Variants in ATP7A observed in about 807,000 individuals in gnomAD.
ATP7A encodes ATPase copper transporting alpha.
ATP7A carries 7 observed loss-of-function variants against 83.5 expected under a neutral mutation model. The ratio of observed to expected loss-of-function variants is 0.08; its 90% CI spans 0.05 to 0.16. The LOEUF (loss-of-function observed/expected upper bound fraction) is 0.16, where lower values mean the gene tolerates loss of function less well. Among genes scored for constraint, ATP7A ranks in the 10% least tolerant of loss-of-function variants. The pLI is 1.00. For synonymous variants in ATP7A, 354 were observed against 395.2 expected (o/e 0.90, Z 1.24); for missense variants, 940 against 1,120.8 (o/e 0.84, Z 2.30).
intron 4 of ATP7A, among the ~76,000 whole-genome samples, chrX:77,991,860 A>G (rs2077671862): frequency 9.2e-6 from 1 of 109,077 alleles, no homozygotes; most frequent in African/African-American, 3.3e-5. Context: ...CGTCCCTACA[A>G]AAAATACAAA....
intron 1 of ATP7A, among the ~76,000 whole-genome samples, chrX:77,930,985 CTTTTTTTTTT>C (rs1180844779): frequency 4.9e-4 from 17 of 34,967 alleles, no homozygotes; most frequent in African/African-American, 1.7e-3. Flanking sequence ...TAGGAACATT[CTTTTTTTTTT>C]TTTTTTTTTT....
rs1557231840 is a variant in ATP7A, at chrX:77,989,625, A to G, written c.1003A>G (p.Ile335Val). ...CACTCCAGAATCCCTGAGAAAAGCA[A>G]TAGAGGCTGTATCACCGGGGCTATA... The part of the protein sequence containing the change: ...SVTPESLRKA[I>V]EAVSPGLYRV... Residue 335 changes from isoleucine (I) to valine (V), a missense_variant, in exon 4 of 23, where the codon ATA (isoleucine) becomes GTA (valine). By Grantham distance (29) the Ile-to-Val change is conservative. This residue lies in a region of ATP7A where 350 missense variants were observed against 432.8 expected (regional missense o/e 0.81). Coordinates refer to ENST00000341514, the MANE Select transcript of ATP7A (RefSeq NM_000052.7). 2 of 1,211,968 alleles carry G rather than the reference A, an allele frequency of 1.7e-6. No homozygotes were observed. The highest frequency in any genetic ancestry group is 1.1e-6 in the Non-Finnish European group (1 of 895,448).
In ATP7A at chrX:78,015,755, G is replaced by A; in HGVS notation, c.2500G>A (p.Glu834Lys). ...CTTTTTATGTTAACTTATATCCAGTGAAGAACAAGTGGATGTGGAACTTGT... is the reference window on the plus strand; with the variant it reads ...CTTTTTATGTTAACTTATATCCAGTAAAGAACAAGTGGATGTGGAACTTGT... ...TLDSDNILLS[E>K]EQVDVELVQR... The change falls in exon 12 of 23, where the codon GAA (glutamate) becomes AAA (lysine). Residue 834 changes from glutamate (E) to lysine (K), a missense_variant and splice_region_variant. Transcript: ENST00000341514. The A allele has an allele frequency of 8.3e-7, 1 of 1,211,591 alleles. No individual in the cohort carries two copies. Among genetic ancestry groups the A allele is most frequent in the Non-Finnish European group, 1.1e-6 (1 of 895,372 alleles).
chrX:77,971,174 T>C (rs1557229631), intron 1 of ATP7A, among the ~76,000 whole-genome samples: 4 of 111,055 alleles, frequency 3.6e-5, no homozygotes, highest in African/African-American at 1.3e-4. Flanking sequence ...GTTTGGTGAG[T>C]GGTAGAAGAG....
At chrX:77,932,367 C>T (rs1295136974) in intron 1 of ATP7A, among the ~76,000 whole-genome samples, 1 of 107,491 alleles carries the variant, frequency 9.3e-6, no homozygotes, top group East Asian at 3.0e-4. Flanking sequence ...AAGAGGCGCT[C>T]CTCACTTCCT....
intron 1 of ATP7A, among the ~76,000 whole-genome samples, chrX:77,932,080 C>T (rs1216806131): frequency 8.1e-5 from 9 of 110,785 alleles, no homozygotes; most frequent in Non-Finnish European, 1.5e-4. Flanking sequence ...GGGTGGCTGC[C>T]GGGCGGAGAC....
intron 2 of ATP7A, among the ~76,000 whole-genome samples, chrX:77,981,509 A>G (rs1557230903): frequency 1.8e-5 from 2 of 112,172 alleles, no homozygotes; most frequent in African/African-American, 6.5e-5. Flanking sequence ...TTTGAAGCAA[A>G]GTGAAAATAC....
chrX:77,941,444 G>T (rs1451466922), intron 1 of ATP7A, among the ~76,000 whole-genome samples: 1 of 110,703 alleles, frequency 9.0e-6, no homozygotes, highest in East Asian at 2.8e-4. Context: ...GTCTCACTAT[G>T]TTGCCCAGGC....
chrX:78,009,024 A>C, intron 6 of ATP7A, 78 bp from the exon 7 acceptor site: 4 of 1,085,915 alleles, frequency 3.7e-6, no homozygotes, highest in Non-Finnish European at 3.7e-6. Flanking sequence ...TCTCAAAAAA[A>C]AAAAAAAAAA....
intron 1 of ATP7A, among the ~76,000 whole-genome samples, chrX:77,970,506 A>T (rs966719311): frequency 3.6e-5 from 4 of 110,720 alleles, no homozygotes; most frequent in Non-Finnish European, 3.8e-5. Flanking sequence ...CCTTGTCTCT[A>T]CTTAAAATAC....
intron 1 of ATP7A, among the ~76,000 whole-genome samples, chrX:77,931,759 C>T (rs782052728): frequency 1.9e-3 from 185 of 97,381 alleles, no homozygotes; most frequent in African/African-American, 6.7e-3. Context: ...GGCGGCTGGC[C>T]GGGTGGGGGG....
intron 1 of ATP7A, among the ~76,000 whole-genome samples, chrX:77,930,985 CTTTTTTTTTTT>C (rs1180844779): frequency 2.0e-4 from 7 of 34,948 alleles, no homozygotes; most frequent in African/African-American, 7.3e-4. Context: ...TAGGAACATT[CTTTTTTTTTTT>C]TTTTTTTTTT....
chrX:77,928,661 A>G (rs2077256408), intron 1 of ATP7A, among the ~76,000 whole-genome samples: 1 of 112,060 alleles, frequency 8.9e-6, no homozygotes, highest in African/African-American at 3.2e-5. Context: ...CAACTGTGCT[A>G]TTGTCTAAAC....
At chrX:78,030,635 A>G (rs1557236959) in intron 15 of ATP7A, among the ~76,000 whole-genome samples, 1 of 104,717 alleles carries the variant, frequency 9.5e-6, no homozygotes, top group East Asian at 2.9e-4. Flanking sequence ...CTTTATAGCT[A>G]TTTTTCCCCT....
In ATP7A at chrX:77,988,298, A is replaced by G. The variant is rs142463642; in HGVS notation, c.177A>G (p.Pro59=). ...TTTATGACCCTAAACTACAGACTCC[A>G]AAGACCCTACAGGAAGCTATTGATG... The part of the protein sequence containing the change: ...TIIYDPKLQT[P]KTLQEAIDDM... The change falls in exon 3 of 23, where the codon CCA becomes CCG. Residue 59 remains proline, a synonymous_variant. Transcript: ENST00000341514. 3.5e-4 allele frequency: 416 copies of G among 1,199,873 alleles called. No individual in the cohort carries two copies. The highest frequency in any genetic ancestry group is 4.3e-4 in the Non-Finnish European group (387 of 890,567).
rs2077821929 is a variant in ATP7A at position 78,011,178 on chromosome X, C to T, written c.1872C>T (p.Ser624=). Reference sequence around the variant, plus strand: ...TTTTTTCTCATGAATTTCCTTAGAGCTTAGGTTTTGAAGCTTCTTTGGTCA... The same window carrying T: ...TTTTTTCTCATGAATTTCCTTAGAGTTTAGGTTTTGAAGCTTCTTTGGTCA... ...GPRDIIHTIE[S]LGFEASLVKK... Residue 624 remains serine, a splice_region_variant and synonymous_variant, in exon 8 of 23, where the codon AGC becomes AGT. Coordinates refer to ENST00000341514, the MANE Select transcript of ATP7A (RefSeq NM_000052.7). The T allele has an allele frequency of 8.3e-7, 1 of 1,205,302 alleles. No homozygotes were observed. Among genetic ancestry groups the T allele is most frequent in the East Asian group, 3.0e-5 (1 of 33,669 alleles).
chrX:77,960,390 AAAAC>A (rs1335521156), intron 1 of ATP7A, among the ~76,000 whole-genome samples: 2 of 112,537 alleles, frequency 1.8e-5, no homozygotes, highest in Non-Finnish European at 3.7e-5. Flanking sequence ...TCAAGAAACA[AAAAC>A]AAAAGCAACA....
chrX:77,994,457 T>C (rs956728058), intron 4 of ATP7A, among the ~76,000 whole-genome samples: 5 of 111,512 alleles, frequency 4.5e-5, no homozygotes, highest in African/African-American at 1.6e-4. Context: ...AACTAGTAAA[T>C]GGAATTCAAG....
At position 78,045,544 on chromosome X, in the gene ATP7A, G is replaced by A; in HGVS notation, c.4198G>A (p.Val1400Ile). ...AGCAATGGCTGCTTCATCTGTTTCTGTAGTACTTTCTTCTCTCTTCCTTAA... is the reference window on the plus strand; with the variant it reads ...AGCAATGGCTGCTTCATCTGTTTCTATAGTACTTTCTTCTCTCTTCCTTAA... Reference protein sequence around the residue: ...SAAMAASSVSVVLSSLFLKLY... With the variant: ...SAAMAASSVSIVLSSLFLKLY... The change falls in exon 22 of 23, where the codon GTA becomes ATA. Residue 1400 changes from valine (V) to isoleucine (I), a missense_variant. Val to Ile is a conservative substitution (Grantham distance 29). Around this residue, in one of 3 missense-constraint regions of ATP7A, gnomAD observed 386 missense variants for 502.2 expected, o/e 0.77. Coordinates refer to ENST00000341514, the MANE Select transcript of ATP7A (RefSeq NM_000052.7). 8.3e-7 allele frequency: 1 copy of A among 1,210,133 alleles called. No homozygotes were observed. Among genetic ancestry groups the A allele is most frequent in the Non-Finnish European group, 1.1e-6 (1 of 894,120 alleles).
Sources: gnomAD v4.1 joint callset for allele counts (sites outside exome capture counted in the v4.1 genomes callset) on GRCh38, gnomAD v4.1.1 for gene constraint, gnomAD v4.1.1 regional missense constraint, MANE v1.5 for transcripts, NCBI Gene and HGNC (gene_info 2026-07-23, HGNC 2026-07-21) for gene names.